Variants in UNC5D observed in about 807,000 individuals in gnomAD.
UNC5D encodes the protein netrin receptor UNC5D.
Under a neutral mutation model 105.4 loss-of-function variants are expected in UNC5D, and 39 were observed. The observed-to-expected ratio is 0.37, with a 90% CI of 0.29 to 0.48. UNC5D has a LOEUF of 0.48. UNC5D is among the 20% of genes least tolerant of loss of function. The pLI, the probability that UNC5D is intolerant of heterozygous loss-of-function variation, is 0.98. For synonymous variants in UNC5D, 452 were observed against 450.4 expected, an observed-to-expected ratio of 1.00 and a Z score of -0.04; for missense variants, 991 against 1,202.4, an observed-to-expected ratio of 0.82 and a Z score of 2.60.
At chr8:35,752,935 T>C (rs1008780901) in intron 13 of UNC5D, among the ~76,000 whole-genome samples, 5 of 152,182 alleles carry the variant, frequency 3.3e-5, no homozygotes, top group African/African-American at 9.7e-5. Flanking sequence ...GCTCACACAA[T>C]TGTCTTGGAA....
At chr8:35,265,868 C>CATA (rs3991303) in intron 1 of UNC5D, among the ~76,000 whole-genome samples, 4,338 of 142,454 alleles carry the variant, frequency 0.03, 171 homozygotes, top group African/African-American at 0.094. Flanking sequence ...AGACTCGTCT[C>CATA]ATAATAATAA....
intron 16 of UNC5D, among the ~76,000 whole-genome samples, chr8:35,774,706 C>T (rs1019266370): frequency 6.6e-6 from 1 of 152,028 alleles, no homozygotes; most frequent in Non-Finnish European, 1.5e-5. Context: ...CCGAGGCAGG[C>T]AAATGGCTTG....
chr8:35,734,340 A>C (rs1384872852), intron 11 of UNC5D, among the ~76,000 whole-genome samples: 1 of 143,618 alleles, frequency 7.0e-6, no homozygotes, highest in African/African-American at 2.5e-5. Context: ...ACTGTCAAAA[A>C]AAAAAAAAAA....
intron 15 of UNC5D, among the ~76,000 whole-genome samples, chr8:35,772,324 G>A (rs543653304): frequency 1.3e-5 from 2 of 152,248 alleles, no homozygotes; most frequent in South Asian, 4.1e-4. Context: ...TAGTTACAGA[G>A]AGACAAAAAT....
chr8:35,383,705 A>C (rs1380306687), intron 1 of UNC5D, among the ~76,000 whole-genome samples: 1 of 152,228 alleles, frequency 6.6e-6, no homozygotes, highest in African/African-American at 2.4e-5. Context: ...CTTAGTTTCC[A>C]GTGTATGACC....
At chr8:35,569,416 T>C (rs984148668) in intron 3 of UNC5D, among the ~76,000 whole-genome samples, 7 of 152,212 alleles carry the variant, frequency 4.6e-5, no homozygotes, top group African/African-American at 1.4e-4. Context: ...GTTGATGGTT[T>C]AGAGATTAAT....
intron 3 of UNC5D, among the ~76,000 whole-genome samples, chr8:35,586,865 G>A (rs1230163448): frequency 6.6e-6 from 1 of 152,062 alleles, no homozygotes; most frequent in Non-Finnish European, 1.5e-5. Context: ...ATAACTCCCT[G>A]GTGTTGCTGA....
chr8:35,536,282 A>G lies in UNC5D; in HGVS notation c.104-13010A>G, dbSNP rs768769294. Among the ~76,000 whole-genome samples the G allele has an allele frequency of 1.2e-4, 18 of 152,316 alleles. No homozygotes were observed. The South Asian group carries it at 1.4e-3, about 12-fold the overall frequency. On this transcript the variant is annotated intron_variant, in intron 1 of 16. Coordinates refer to ENST00000404895, the MANE Select transcript of UNC5D (RefSeq NM_080872.4). Reference sequence around the variant, plus strand: ...ACTATTACCATGTGGTGTATTGTCAATCTTGACTAAATACCACATCCGAGC... The same window carrying G: ...ACTATTACCATGTGGTGTATTGTCAGTCTTGACTAAATACCACATCCGAGC...
At chr8:35,400,610 G>A (rs1336062002) in intron 1 of UNC5D, among the ~76,000 whole-genome samples, 1 of 152,058 alleles carries the variant, frequency 6.6e-6, no homozygotes, top group African/African-American at 2.4e-5. Flanking sequence ...GGTCATTAGG[G>A]TAACAAATAT....
At chr8:35,408,670 G>A (rs1485553657) in intron 1 of UNC5D, among the ~76,000 whole-genome samples, 2 of 151,234 alleles carry the variant, frequency 1.3e-5, no homozygotes, top group African/African-American at 4.9e-5. Flanking sequence ...GTTAATTGTT[G>A]AATGCCTTAA....
intron 2 of UNC5D, among the ~76,000 whole-genome samples, chr8:35,556,285 G>A (rs1017871742): frequency 1.3e-5 from 2 of 152,074 alleles, no homozygotes; most frequent in African/African-American, 2.4e-5. Flanking sequence ...TTTGCATTCC[G>A]AGAACATAAC....
chr8:35,590,392 T>G (rs777391140), intron 3 of UNC5D, among the ~76,000 whole-genome samples: 47 of 152,204 alleles, frequency 3.1e-4, no homozygotes, highest in Admixed American at 8.5e-4. Context: ...AAAATATTTC[T>G]TATTAATATA....
Position 35,384,566 on chromosome 8 carries a change from C to A in UNC5D, c.103+148679C>A, listed in dbSNP as rs552984332. ...ACTTCACTGTTCATTCCCCTAAACC[C>A]TTATGGCCTCCTAATGAAATGTAGA... On this transcript the variant is annotated intron_variant, in intron 1 of 16. Transcript: ENST00000404895. Among the ~76,000 whole-genome samples, 287 of 152,244 alleles carry A rather than the reference C, an allele frequency of 1.9e-3. 1 individual carries two copies. The highest frequency in any genetic ancestry group is 6.6e-3 in the African/African-American group (274 of 41,548).
intron 1 of UNC5D, among the ~76,000 whole-genome samples, chr8:35,475,445 G>A (rs897818845): frequency 2.6e-5 from 4 of 152,142 alleles, no homozygotes; most frequent in African/African-American, 9.7e-5. Flanking sequence ...TGAACTTTGG[G>A]CTTCTCTGTT....
chr8:35,487,469 C>T (rs545973982), intron 1 of UNC5D, among the ~76,000 whole-genome samples: 1 of 152,142 alleles, frequency 6.6e-6, no homozygotes, highest in East Asian at 1.9e-4. Flanking sequence ...GGATCCCCAG[C>T]CTGCCTATCT....
intron 13 of UNC5D, among the ~76,000 whole-genome samples, chr8:35,758,538 T>C (rs140656318): frequency 1.4e-3 from 208 of 152,310 alleles, no homozygotes; most frequent in Non-Finnish European, 2.5e-3. Flanking sequence ...TCCCTGAATA[T>C]GTATTTGTTT....
chr8:35,432,042 C>G (rs1806678310), intron 1 of UNC5D, among the ~76,000 whole-genome samples: 1 of 152,012 alleles, frequency 6.6e-6, no homozygotes. Context: ...TATTAAGTCA[C>G]AAAGGAATGG....
chr8:35,495,458 C>CAAAAAAAAAAAAAAA (rs71547636), intron 1 of UNC5D, among the ~76,000 whole-genome samples: 8 of 44,608 alleles, frequency 1.8e-4, no homozygotes, highest in East Asian at 8.3e-4. Context: ...ACAACAACAA[C>CAAAAAAAAAAAAAAA]AAAAAAAAAA....
At chr8:35,334,051 A>G (rs1057311927) in intron 1 of UNC5D, among the ~76,000 whole-genome samples, 3 of 152,162 alleles carry the variant, frequency 2.0e-5, no homozygotes, top group African/African-American at 7.2e-5. Context: ...TCCACACAGA[A>G]CCTTTTTGAT....
Sources: gnomAD v4.1 joint callset for allele counts (sites outside exome capture counted in the v4.1 genomes callset) on GRCh38, gnomAD v4.1.1 for gene constraint, MANE v1.5 for transcripts, NCBI Gene and HGNC (gene_info 2026-07-23, HGNC 2026-07-21) for gene names.